Variants in SMARCC1 observed in about 807,000 individuals in gnomAD.
SMARCC1 encodes SWI/SNF complex subunit SMARCC1.
In SMARCC1, 43 loss-of-function variants were observed where a neutral mutation model predicts 147.4. The observed-to-expected ratio is 0.29, with a 90% CI of 0.23 to 0.38. The LOEUF (loss-of-function observed/expected upper bound fraction) is 0.38, where lower values mean the gene tolerates loss of function less well. Among genes scored for constraint, SMARCC1 ranks in the 10% least tolerant of loss-of-function variants. The pLI is 1.00. For missense variants in SMARCC1, 1,119 were observed against 1,381.1 expected (o/e 0.81, Z 3.01); for synonymous variants, 495 against 484.4 (o/e 1.02, Z -0.29).
intron 22 of SMARCC1, among the ~76,000 whole-genome samples, chr3:47,636,648 G>T (rs1343585663): frequency 6.6e-6 from 1 of 152,128 alleles, no homozygotes; most frequent in African/African-American, 2.4e-5. Context: ...AGGTACTCAG[G>T]AGACTGAGGC....
chr3:47,719,788 T>TG (rs1330586841), intron 7 of SMARCC1, among the ~76,000 whole-genome samples: 1 of 151,818 alleles, frequency 6.6e-6, no homozygotes, highest in Non-Finnish European at 1.5e-5. Flanking sequence ...AAGGATGGAG[T>TG]GTAGTGCCAT....
At chr3:47,727,864 T>A (rs1019665795) in intron 6 of SMARCC1, among the ~76,000 whole-genome samples, 1 of 151,898 alleles carries the variant, frequency 6.6e-6, no homozygotes, top group African/African-American at 2.4e-5. Context: ...GTGCTGGGAT[T>A]ACAGGCCTGA....
intron 12 of SMARCC1, 152 bp from the exon 13 acceptor site, chr3:47,689,576 A>C (rs2033766901): frequency 9.0e-6 from 6 of 664,014 alleles, no homozygotes; most frequent in South Asian, 7.0e-5. Flanking sequence ...AATTCACTAA[A>C]TTAGAATTCT....
At chr3:47,636,909 T>A (rs1420220155) in intron 22 of SMARCC1, among the ~76,000 whole-genome samples, 7 of 151,396 alleles carry the variant, frequency 4.6e-5, no homozygotes. Flanking sequence ...AGAAGCAAGT[T>A]GAAATGCTGC....
intron 21 of SMARCC1, among the ~76,000 whole-genome samples, chr3:47,648,766 T>C (rs571408872): frequency 3.5e-4 from 54 of 152,238 alleles, no homozygotes; most frequent in Middle Eastern, 3.4e-3. Context: ...CTTCACTCTA[T>C]TGCCAACCCA....
At chr3:47,636,784 A>ATGTGTG (rs1263321678) in intron 22 of SMARCC1, among the ~76,000 whole-genome samples, 3 of 67,642 alleles carry the variant, frequency 4.4e-5, no homozygotes, top group Admixed American at 1.6e-4. Context: ...AACAAAATAT[A>ATGTGTG]TATATGTGTG....
chr3:47,618,782 A>C (rs2032685519), intron 25 of SMARCC1, among the ~76,000 whole-genome samples: 1 of 152,152 alleles, frequency 6.6e-6, no homozygotes, highest in Non-Finnish European at 1.5e-5. Context: ...GGGGACCTGC[A>C]GGTTCATTCT....
At chr3:47,620,200 C>T (rs990865155) in intron 25 of SMARCC1, among the ~76,000 whole-genome samples, 5 of 152,162 alleles carry the variant, frequency 3.3e-5, no homozygotes, top group African/African-American at 9.7e-5. Flanking sequence ...CGGTGGCTCA[C>T]GCCTGTAATC....
chr3:47,718,917 T>A (rs2034194717), intron 7 of SMARCC1, among the ~76,000 whole-genome samples: 1 of 151,966 alleles, frequency 6.6e-6, no homozygotes, highest in Admixed American at 6.6e-5. Context: ...TTTAATAAAT[T>A]AAAAAAAATT....
In SMARCC1 at chr3:47,588,038, A is replaced by G. The variant is rs552761197; in HGVS notation, c.*171T>C. The G allele has an allele frequency of 3.2e-5, 19 of 593,840 alleles. No homozygotes were observed. In the African/African-American group the frequency reaches 3.4e-4, roughly 11 times the overall value. The allele number at this position is 593,840 out of a possible 1,614,324, so 36.8% of individuals were successfully genotyped here. On this transcript the variant is annotated 3_prime_UTR_variant, in exon 28 of 28. Coordinates refer to ENST00000254480, the MANE Select transcript of SMARCC1 (RefSeq NM_003074.4). Reference sequence around the variant, plus strand: ...GAGTGTTGGCTGAGGACCCAACACAAAAAGTGTCAGAGAGAGGGGTGGTAA... The same window carrying G: ...GAGTGTTGGCTGAGGACCCAACACAGAAAGTGTCAGAGAGAGGGGTGGTAA...
At chr3:47,620,000 G>T (rs2032703891) in intron 25 of SMARCC1, among the ~76,000 whole-genome samples, 1 of 152,192 alleles carries the variant, frequency 6.6e-6, no homozygotes, top group South Asian at 2.1e-4. Context: ...ATCCTAAAAT[G>T]ATCAGTATTC....
At chr3:47,709,861 G>T (rs2034063188) in intron 9 of SMARCC1, among the ~76,000 whole-genome samples, 2 of 151,988 alleles carry the variant, frequency 1.3e-5, no homozygotes, top group African/African-American at 4.8e-5. Flanking sequence ...GCCTTACAAG[G>T]AATCATGGGT....
rs767843750 is a variant in SMARCC1 at position 47,588,183 on chromosome 3, C to T, written c.*26G>A. 5.4e-5 allele frequency: 84 copies of T among 1,555,790 alleles called. No individual in the cohort carries two copies. Among genetic ancestry groups the T allele is most frequent in the Non-Finnish European group, 6.9e-5 (78 of 1,128,934 alleles). ...CCCCACTCCAGCTCATGGTGGTGGG[C>T]GTGGAGGTTCCCTGCATCTTCCAGG... On this transcript the variant is annotated 3_prime_UTR_variant, in exon 28 of 28. Coordinates refer to ENST00000254480, the MANE Select transcript of SMARCC1 (RefSeq NM_003074.4).
chr3:47,599,266 C>T (rs2032348264), intron 26 of SMARCC1, among the ~76,000 whole-genome samples: 1 of 151,978 alleles, frequency 6.6e-6, no homozygotes, highest in Non-Finnish European at 1.5e-5. Context: ...GCCTGTAATA[C>T]CAGCTACTTG....
intron 11 of SMARCC1, among the ~76,000 whole-genome samples, chr3:47,698,960 T>C (rs192240593): frequency 6.6e-6 from 1 of 152,304 alleles, no homozygotes; most frequent in East Asian, 1.9e-4. Context: ...GCAAATGGTA[T>C]ACAAACAACT....
At chr3:47,696,873 T>C (rs564837552) in intron 11 of SMARCC1, among the ~76,000 whole-genome samples, 1 of 152,102 alleles carries the variant, frequency 6.6e-6, no homozygotes, top group Non-Finnish European at 1.5e-5. Context: ...GATTTTGGGT[T>C]TTTTTGAATC....
At chr3:47,626,388 T>C (rs2032809918) in intron 24 of SMARCC1, among the ~76,000 whole-genome samples, 1 of 149,586 alleles carries the variant, frequency 6.7e-6, no homozygotes, top group African/African-American at 2.5e-5. Flanking sequence ...TCATGTGATC[T>C]GTCTGACTCA....
intron 10 of SMARCC1, 131 bp downstream of exon 10, chr3:47,706,278 G>A: frequency 2.6e-6 from 2 of 773,402 alleles, no homozygotes; most frequent in Non-Finnish European, 1.8e-6. Context: ...CACCATGTTG[G>A]CCAGGCTGGA....
At chr3:47,774,461 A>G (rs927541880) in intron 1 of SMARCC1, among the ~76,000 whole-genome samples, 2 of 152,202 alleles carry the variant, frequency 1.3e-5, no homozygotes, top group East Asian at 3.9e-4. Context: ...TCTGTCACCC[A>G]GGCTGGAGCA....
Sources: allele counts gnomAD v4.1 joint callset (sites outside exome capture counted in the v4.1 genomes callset), GRCh38; gene constraint gnomAD v4.1.1; transcripts MANE v1.5; gene names NCBI Gene and HGNC (gene_info 2026-07-23, HGNC 2026-07-21).